Variants in HSPA4L observed in about 807,000 individuals in gnomAD.
HSPA4L encodes heat shock 70 kDa protein 4L.
HSPA4L carries 48 observed loss-of-function variants against 100.3 expected under a neutral mutation model. The observed-to-expected ratio is 0.48, with a 90% CI of 0.38 to 0.61. The LOEUF (loss-of-function observed/expected upper bound fraction) is 0.61, where lower values mean the gene tolerates loss of function less well. Among genes scored for constraint, HSPA4L ranks in the 20% least tolerant of loss-of-function variants. HSPA4L has a pLI of 0.00. For missense variants in HSPA4L, 886 were observed against 988.6 expected, an observed-to-expected ratio of 0.90 and a Z score of 1.39; for synonymous variants, 319 against 328.2, an observed-to-expected ratio of 0.97 and a Z score of 0.30.
At chr4:127,796,963 C>G (rs1007389548) in intron 3 of HSPA4L, among the ~76,000 whole-genome samples, 1 of 152,162 alleles carries the variant, frequency 6.6e-6, no homozygotes, top group African/African-American at 2.4e-5. Flanking sequence ...CAAATTATCT[C>G]TTAAGAAAGT....
chr4:127,816,246 C>G (rs144931594), intron 12 of HSPA4L, among the ~76,000 whole-genome samples: 185 of 152,224 alleles, frequency 1.2e-3, no homozygotes, highest in Middle Eastern at 6.8e-3. Flanking sequence ...TAAAATCTAT[C>G]AGTGAAGTCA....
intron 17 of HSPA4L, among the ~76,000 whole-genome samples, chr4:127,828,926 T>C (rs1439118514): frequency 1.3e-5 from 2 of 152,158 alleles, no homozygotes; most frequent in Non-Finnish European, 2.9e-5. Flanking sequence ...GAGTTTTTAT[T>C]ATGTGCTAGG....
chr4:127,821,376 CATT>C (rs1289883472), intron 14 of HSPA4L, among the ~76,000 whole-genome samples: 1 of 152,100 alleles, frequency 6.6e-6, no homozygotes, highest in Non-Finnish European at 1.5e-5. Context: ...TTGAATGTCT[CATT>C]ATTTTCACTT....
At chr4:127,807,063 C>T (rs1424980731) in intron 10 of HSPA4L, among the ~76,000 whole-genome samples, 2 of 151,564 alleles carry the variant, frequency 1.3e-5, no homozygotes, top group African/African-American at 4.8e-5. Context: ...GTATGGGGAG[C>T]TAAATTGAAA....
intron 3 of HSPA4L, 143 bp from the exon 4 acceptor site, chr4:127,798,444 T>C (rs948764304): frequency 4.1e-6 from 3 of 723,142 alleles, no homozygotes; most frequent in East Asian, 2.8e-5. Context: ...GATTCTAAAA[T>C]GACAATCTTT....
Position 127,795,789 on chromosome 4 carries a change from A to G in HSPA4L, c.187A>G (p.Thr63Ala). The part of the protein sequence containing the change: ...KSQIVTNVRN[T>A]IHGFKKLHGR... ...ACAGATAGTCACGAACGTAAGAAAT[A>G]CAATTCATGGCTTCAAAAAGCTTCA... Residue 63 changes from threonine to alanine, a missense_variant, in exon 3 of 19, where the codon ACA (threonine) becomes GCA (alanine). By Grantham distance (58) the Thr-to-Ala change is moderately conservative. Coordinates refer to ENST00000296464, the MANE Select transcript of HSPA4L (RefSeq NM_014278.4). The G allele has an allele frequency of 6.2e-7, 1 of 1,613,718 alleles. No homozygotes were observed. The highest frequency in any genetic ancestry group is 2.2e-5 in the East Asian group (1 of 44,852).
intron 13 of HSPA4L, 73 bp from the exon 14 acceptor site, chr4:127,820,355 A>G (rs1733775081): frequency 1.6e-6 from 2 of 1,268,712 alleles, no homozygotes; most frequent in African/African-American, 3.1e-5. Context: ...TTTTGATTTT[A>G]CTTTCTGTTT....
At chr4:127,821,409 T>C (rs1870422) in intron 14 of HSPA4L, among the ~76,000 whole-genome samples, 79,716 of 152,054 alleles carry the variant, frequency 0.52, 23,423 homozygotes, top group Middle Eastern at 0.76. Context: ...GAATGCATTG[T>C]AATTTATAAA....
chr4:127,798,384 A>AG (rs1412925180), intron 3 of HSPA4L, among the ~76,000 whole-genome samples: 2 of 152,210 alleles, frequency 1.3e-5, no homozygotes, highest in Non-Finnish European at 2.9e-5. Flanking sequence ...ACTGTCTGTA[A>AG]GGTACTACAG....
chr4:127,832,551 TG>T (rs1190327087), intron 18 of HSPA4L, 131 bp from the exon 19 acceptor site: 1 of 720,848 alleles, frequency 1.4e-6, no homozygotes, highest in Non-Finnish European at 2.3e-6. Flanking sequence ...AGAAAACAGT[TG>T]GCTATCTAGC....
intron 2 of HSPA4L, among the ~76,000 whole-genome samples, chr4:127,794,795 T>C (rs963983575): frequency 2.6e-5 from 4 of 152,090 alleles, no homozygotes; most frequent in African/African-American, 9.7e-5. Context: ...TTAAAGTCAT[T>C]TCTCCTAAGG....
At position 127,820,440 on chromosome 4, in the gene HSPA4L, G is replaced by T; in HGVS notation, c.1687G>T (p.Asp563Tyr). The change falls in exon 14 of 19, where the codon GAC becomes TAC. Residue 563 changes from aspartate to tyrosine, a missense_variant. Asp to Tyr is a radical substitution (Grantham distance 160). Transcript: ENST00000296464. The stretch of plus-strand genomic sequence containing the variant: ...TTCGGATTTGCAGTCAGCTGTCTCA[G>T]ACAAACAAGACCGATTAAATCAGAC... Reference protein sequence around the residue: ...TGAKTKSAVSDKQDRLNQTLK... With the variant: ...TGAKTKSAVSYKQDRLNQTLK... 6.3e-7 allele frequency: 1 copy of T among 1,591,262 alleles called. No homozygotes were observed. Among genetic ancestry groups the T allele is most frequent in the South Asian group, 1.2e-5 (1 of 85,342 alleles).
chr4:127,817,943 A>G (rs899721462), intron 12 of HSPA4L, among the ~76,000 whole-genome samples: 3 of 152,130 alleles, frequency 2.0e-5, no homozygotes, highest in Non-Finnish European at 2.9e-5. Flanking sequence ...GGTTTGCTGC[A>G]CCCATCAACC....
chr4:127,817,606 T>TA (rs1456235777), intron 12 of HSPA4L, among the ~76,000 whole-genome samples: 2 of 152,076 alleles, frequency 1.3e-5, no homozygotes, highest in Non-Finnish European at 2.9e-5. Flanking sequence ...TTTTTAGACA[T>TA]AAAAAAATCT....
chr4:127,812,793 T>C (rs1320469492), intron 12 of HSPA4L: 2 of 1,455,548 alleles, frequency 1.4e-6, no homozygotes, highest in Non-Finnish European at 1.9e-6. Flanking sequence ...AGTGTGCTGC[T>C]CTGGGTGGAG....
At chr4:127,787,762 G>A (rs919689602) in intron 1 of HSPA4L, among the ~76,000 whole-genome samples, 1 of 151,492 alleles carries the variant, frequency 6.6e-6, no homozygotes, top group Non-Finnish European at 1.5e-5. Context: ...GAATACCTTT[G>A]CTTTTTTTAA....
In HSPA4L at chr4:127,782,399, A is replaced by G; in HGVS notation, c.-152A>G. The G allele has an allele frequency of 1.6e-6, 1 of 635,506 alleles. No individual in the cohort carries two copies. Among genetic ancestry groups the G allele is most frequent in the South Asian group, 1.8e-5 (1 of 54,634 alleles). 39.4% of individuals were successfully genotyped at this position (635,506 alleles called of 1,614,324 possible). A position where few individuals can be genotyped will look rare whatever the true frequency, so the allele number is the denominator to read the frequency against. ...CCTCTGCTCCTTCCGCGGGTTTCCG[A>G]CTCCCTGCCCTAGATTTTCTGCTTA... On this transcript the variant is annotated 5_prime_UTR_variant, in exon 1 of 19. Coordinates refer to ENST00000296464, the MANE Select transcript of HSPA4L (RefSeq NM_014278.4).
Position 127,794,147 on chromosome 4 carries a change from T to C in HSPA4L, c.165+13T>C. ...AGCAAAGAGCCAGGTAAATTGTTAA[T>C]GTGGATGTTTTGACTTACAGGAAGA... On this transcript the variant is annotated intron_variant, in intron 2 of 18. Transcript: ENST00000296464. 1 of 1,605,194 alleles carries C rather than the reference T, an allele frequency of 6.2e-7. No homozygotes were observed. The highest frequency in any genetic ancestry group is 8.5e-7 in the Non-Finnish European group (1 of 1,173,128).
rs114395674 is a variant in HSPA4L, at chr4:127,794,385, A to C, written c.165+251A>C. Among the ~76,000 whole-genome samples the C allele has an allele frequency of 5.1e-3, 783 of 152,132 alleles. 7 individuals carry two copies. The highest frequency in any genetic ancestry group is 0.018 in the African/African-American group (755 of 41,534). On this transcript the variant is annotated intron_variant, in intron 2 of 18. Transcript: ENST00000296464. ...TAGGGTGTGCTACTATGTGACATCAATTTTTCCCCAAATGGTCCCTCAGGT... is the reference window on the plus strand; with the variant it reads ...TAGGGTGTGCTACTATGTGACATCACTTTTTCCCCAAATGGTCCCTCAGGT...
Sources: gnomAD v4.1 joint callset for allele counts (sites outside exome capture counted in the v4.1 genomes callset) on GRCh38, gnomAD v4.1.1 for gene constraint, MANE v1.5 for transcripts, NCBI Gene and HGNC (gene_info 2026-07-23, HGNC 2026-07-21) for gene names.